The following ADGRD2 variants were observed in gnomAD, a reference collection of about 807,000 sequenced individuals.
ADGRD2 encodes the protein G protein-coupled receptor PGR24.
ADGRD2 carries 71 observed loss-of-function variants against 44.4 expected under a neutral mutation model. That is an observed-to-expected ratio of 1.60 (90% CI 1.32 to 1.95). The LOEUF (loss-of-function observed/expected upper bound fraction) is 1.95, where lower values mean the gene tolerates loss of function less well. Ranked by LOEUF, ADGRD2 falls within the 30% of genes most tolerant of loss-of-function variation. ADGRD2 has a pLI of 0.00. For missense variants in ADGRD2, 1,039 were observed against 512.4 expected (o/e 2.03, Z -9.92); for synonymous variants, 481 against 224.8 (o/e 2.14, Z -10.19).
exon 3 of ADGRD2, chr9:124,453,140 A>T: frequency 1.4e-6 from 1 of 701,814 alleles, no homozygotes; most frequent in Non-Finnish European, 2.6e-6. Context: ...GCGTGTACTC[A>T]CGTGCAGTGG....
At position 124,462,226 on chromosome 9, in the gene ADGRD2, G is replaced by A. The variant is rs183107461; in HGVS notation, c.1870+3505G>A. On this transcript the variant is annotated intron_variant, in intron 10 of 21. Transcript: ENST00000334810. Reference sequence around the variant, plus strand: ...GGATTACAGGCGATCTACCATGCCTGGCTAATTTTTTTTTTCTCTTTTTGT... The same window carrying A: ...GGATTACAGGCGATCTACCATGCCTAGCTAATTTTTTTTTTCTCTTTTTGT... Among the ~76,000 whole-genome samples, 18 of 150,996 alleles carry A rather than the reference G, an allele frequency of 1.2e-4. No homozygotes were observed. The East Asian group carries it at 3.1e-3, about 26-fold the overall frequency.
At chr9:124,458,620 C>G (rs1364253490) in exon 10 of ADGRD2, 1 of 718,774 alleles carries the variant, frequency 1.4e-6, no homozygotes, top group Non-Finnish European at 2.6e-6. Context: ...CCACAGGTTC[C>G]TAAGCACCCA....
intron 9 of ADGRD2, among the ~76,000 whole-genome samples, 167 bp from the exon 13 acceptor site, chr9:124,458,449 A>G (rs575596467): frequency 2.4e-4 from 37 of 152,310 alleles, no homozygotes; most frequent in South Asian, 8.3e-4. Flanking sequence ...GACTTACCCA[A>G]GTTACCAGCA....
At chr9:124,458,216 G>C in exon 9 of ADGRD2, 1 of 718,526 alleles carries the variant, frequency 1.4e-6, no homozygotes, top group Non-Finnish European at 2.6e-6. Context: ...CCAGCTCAGA[G>C]GAGGCAAACA....
rs1243501653 is a variant in ADGRD2 at position 124,467,590 on chromosome 9, G to T, written c.2027-131G>T. On this transcript the variant is annotated intron_variant, in intron 11 of 21. Coordinates refer to ENST00000334810, the Ensembl canonical transcript of ADGRD2. ...AAATGCCTACTGTGTGCAGGCCTGG[G>T]TCCTGCTGGCTGCTGCTGCACTGTG... The T allele has an allele frequency of 1.4e-4, 90 of 640,300 alleles. 1 individual carries two copies. In the East Asian group the frequency reaches 2.4e-3, roughly 17 times the overall value. 39.7% of individuals were successfully genotyped at this position (640,300 alleles called of 1,614,324 possible). A position where few individuals can be genotyped will look rare whatever the true frequency, so the allele number is the denominator to read the frequency against.
chr9:124,476,629 G>GGCA, intron 20 of ADGRD2, 50 bp from the exon 24 acceptor site: 1 of 687,642 alleles, frequency 1.5e-6, no homozygotes, highest in Non-Finnish European at 2.6e-6. Flanking sequence ...CAGGGCAAGG[G>GGCA]GCAGCAGAAG....
chr9:124,453,439 A>G, exon 3 of ADGRD2: 1 of 665,230 alleles, frequency 1.5e-6, no homozygotes, highest in Non-Finnish European at 2.7e-6. Context: ...GTCCGGCGGC[A>G]TCCTGGTGCT....
At chr9:124,467,964 C>T in intron 12 of ADGRD2, 124 bp from the exon 16 acceptor site, 1 of 702,128 alleles carries the variant, frequency 1.4e-6, no homozygotes, top group Non-Finnish European at 2.7e-6. Flanking sequence ...GTGCTGGGTC[C>T]CCTGTGGAGC....
chr9:124,474,189 C>T (rs2093781), intron 17 of ADGRD2, among the ~76,000 whole-genome samples: 74,671 of 150,640 alleles, frequency 0.5, 18,745 homozygotes, highest in East Asian at 0.68. Context: ...GAAGGAGAAT[C>T]GCTTGAACCC....
At chr9:124,452,190 T>TC (rs745673058) in intron 1 of ADGRD2, 36 bp downstream of exon 4, 8 of 688,412 alleles carry the variant, frequency 1.2e-5, no homozygotes, top group South Asian at 4.7e-5. Context: ...AGGGTCCCAG[T>TC]CCCCCAGCTA....
exon 3 of ADGRD2, chr9:124,453,179 T>C: frequency 1.4e-6 from 1 of 690,210 alleles, no homozygotes; most frequent in Non-Finnish European, 2.6e-6. Context: ...CCCGCAGCGC[T>C]CTTCTCCGTT....
At chr9:124,473,700 C>T (rs1231930894) in intron 17 of ADGRD2, among the ~76,000 whole-genome samples, 12 of 152,206 alleles carry the variant, frequency 7.9e-5, no homozygotes. Context: ...AGCCACACAA[C>T]CACAGTGTGT....
At chr9:124,462,134 T>C (rs745600598) in intron 10 of ADGRD2, among the ~76,000 whole-genome samples, 5 of 152,108 alleles carry the variant, frequency 3.3e-5, no homozygotes, top group African/African-American at 1.2e-4. Context: ...CACGGCTCAC[T>C]GTAGGTTCGA....
chr9:124,474,495 G>A (rs558582718), intron 17 of ADGRD2, among the ~76,000 whole-genome samples: 1 of 152,250 alleles, frequency 6.6e-6, no homozygotes, highest in Non-Finnish European at 1.5e-5. Flanking sequence ...TTTGGGGTCT[G>A]TCTTGGAGAA....
chr9:124,474,897 AG>A (rs1433222454), intron 17 of ADGRD2, among the ~76,000 whole-genome samples: 1 of 152,184 alleles, frequency 6.6e-6, no homozygotes, highest in Non-Finnish European at 1.5e-5. Context: ...AGAGAGAGCC[AG>A]CTCCTCCCCA....
intron 17 of ADGRD2, 44 bp downstream of exon 20, chr9:124,470,658 C>T (rs185723342): frequency 1.2e-4 from 79 of 683,004 alleles, no homozygotes; most frequent in Admixed American, 6.5e-4. Context: ...CTGACATGCA[C>T]GAAAGCTCAG....
chr9:124,456,540 T>C (rs1831620115), intron 6 of ADGRD2, 82 bp from the exon 10 acceptor site: 1 of 699,538 alleles, frequency 1.4e-6, no homozygotes, highest in East Asian at 2.7e-5. Flanking sequence ...TCCCAGATCA[T>C]GGAGCATTTA....
chr9:124,453,904 T>C (rs996720115), intron 3 of ADGRD2, 95 bp from the exon 7 acceptor site: 1 of 438,570 alleles, frequency 2.3e-6, no homozygotes. Flanking sequence ...AGTGTCCCTC[T>C]CTCAGGTTTC....
At chr9:124,459,409 G>A (rs1318536210) in intron 10 of ADGRD2, among the ~76,000 whole-genome samples, 5 of 151,876 alleles carry the variant, frequency 3.3e-5, no homozygotes, top group African/African-American at 1.2e-4. Context: ...CAAGAGAACC[G>A]CCTGAACCCA....
Sources: allele counts gnomAD v4.1 joint callset (sites outside exome capture counted in the v4.1 genomes callset), GRCh38; gene constraint gnomAD v4.1.1; transcripts MANE v1.5; gene names NCBI Gene and HGNC (gene_info 2026-07-23, HGNC 2026-07-21).